The following GALNTL5 variants were observed in gnomAD, a reference collection of about 807,000 sequenced individuals.
The protein encoded by GALNTL5 is inactive polypeptide N-acetylgalactosaminyltransferase-like protein 5.
Under a neutral mutation model 51.0 loss-of-function variants are expected in GALNTL5, and 44 were observed. The ratio of observed to expected loss-of-function variants is 0.86; its 90% CI spans 0.68 to 1.11. GALNTL5 has a LOEUF of 1.11. GALNTL5 is among the 50% of genes least tolerant of loss of function. The pLI, the probability that GALNTL5 is intolerant of heterozygous loss-of-function variation, is 0.00. For synonymous variants in GALNTL5, 192 were observed against 182.8 expected (o/e 1.05, Z -0.41); for missense variants, 528 against 531.8 (o/e 0.99, Z 0.07).
intron 3 of GALNTL5, among the ~76,000 whole-genome samples, chr7:151,981,653 C>T (rs1275418300): frequency 3.6e-5 from 5 of 139,008 alleles, no homozygotes; most frequent in Non-Finnish European, 7.7e-5. Context: ...TCTCTCTCTC[C>T]CTCCCTCCCT....
intron 8 of GALNTL5, among the ~76,000 whole-genome samples, chr7:152,017,497 C>T (rs1301772353): frequency 2.0e-5 from 3 of 152,098 alleles, no homozygotes; most frequent in East Asian, 1.9e-4. Flanking sequence ...CCAAACACAA[C>T]GGAACTTATA....
intron 5 of GALNTL5, chr7:151,995,485 G>T (rs1308740011): frequency 6.7e-6 from 1 of 148,294 alleles, no homozygotes; most frequent in Non-Finnish European, 1.5e-5. Context: ...CTGGATGTGG[G>T]GTTCATGCAG....
intron 5 of GALNTL5, among the ~76,000 whole-genome samples, chr7:151,989,566 CTT>C (rs1368685210): frequency 2.6e-5 from 4 of 152,174 alleles, no homozygotes; most frequent in Non-Finnish European, 5.9e-5. Flanking sequence ...GAACATATAT[CTT>C]TGTGTGATTG....
chr7:152,002,971 T>A lies in GALNTL5; in HGVS notation c.908+8T>A. On this transcript the variant is annotated splice_region_variant and intron_variant, in intron 6 of 8. Coordinates refer to ENST00000392800, the MANE Select transcript of GALNTL5 (RefSeq NM_145292.4). ...ATCTACTAAACCAATCCGGTGAGATTTCTTCTGGTTTTGGAAAAATATAGC... is the reference window on the plus strand; with the variant it reads ...ATCTACTAAACCAATCCGGTGAGATATCTTCTGGTTTTGGAAAAATATAGC... 6.2e-7 allele frequency: 1 copy of A among 1,611,332 alleles called. No homozygotes were observed. Among genetic ancestry groups the A allele is most frequent in the Non-Finnish European group, 8.5e-7 (1 of 1,177,954 alleles).
intron 8 of GALNTL5, among the ~76,000 whole-genome samples, chr7:152,018,641 C>A (rs150456153): frequency 2.8e-4 from 42 of 152,172 alleles, no homozygotes; most frequent in Middle Eastern, 3.4e-3. Flanking sequence ...CTGATTGGGA[C>A]AAGAGAGGGC....
At chr7:151,968,656 G>C (rs945043844) in intron 2 of GALNTL5, among the ~76,000 whole-genome samples, 3 of 152,212 alleles carry the variant, frequency 2.0e-5, no homozygotes, top group Non-Finnish European at 2.9e-5. Context: ...TGCTTTCTGG[G>C]ATGTGAGTAG....
Position 151,967,467 on chromosome 7 carries a change from A to G in GALNTL5, c.221A>G (p.Asp74Gly), listed in dbSNP as rs1278401569. 1 of 1,613,922 alleles carries G rather than the reference A, an allele frequency of 6.2e-7. No homozygotes were observed. The highest frequency in any genetic ancestry group is 1.1e-5 in the South Asian group (1 of 91,050). The change falls in exon 2 of 9, where the codon GAT (aspartate) becomes GGT (glycine). Residue 74 changes from aspartate (D) to glycine (G), a missense_variant. By Grantham distance (94) the Asp-to-Gly change is moderately conservative (BLOSUM62 -1). Transcript: ENST00000392800. ...PKPHVIVKRT[D>G]EDKAKSMLGT... is the part of the protein sequence containing the mutation. ...CCTCATGTAATAGTCAAAAGGACTG[A>G]TGAAGATAAAGCAAAGTCTATGTTA...
At chr7:151,980,258 A>G (rs2151945209) in intron 3 of GALNTL5, among the ~76,000 whole-genome samples, 1 of 152,096 alleles carries the variant, frequency 6.6e-6, no homozygotes. Flanking sequence ...TAATTTTTGT[A>G]TTTTTAATAG....
intron 5 of GALNTL5, among the ~76,000 whole-genome samples, chr7:151,990,341 G>A (rs1314095666): frequency 1.3e-5 from 2 of 151,840 alleles, no homozygotes; most frequent in Admixed American, 6.6e-5. Context: ...ATTGTGCCTG[G>A]CTAGAAATTT....
At chr7:151,993,075 T>C (rs2081448077) in intron 5 of GALNTL5, among the ~76,000 whole-genome samples, 1 of 152,022 alleles carries the variant, frequency 6.6e-6, no homozygotes, top group Non-Finnish European at 1.5e-5. Context: ...CCATCTCCAC[T>C]AAAAATACAA....
At chr7:151,956,825 G>A (rs2151934077) in intron 1 of GALNTL5, among the ~76,000 whole-genome samples, 1 of 152,180 alleles carries the variant, frequency 6.6e-6, no homozygotes, top group Non-Finnish European at 1.5e-5. Flanking sequence ...GCATTGTAAT[G>A]GCTTTAGTTC....
At chr7:151,987,740 G>A (rs1189404846) in intron 5 of GALNTL5, among the ~76,000 whole-genome samples, 1 of 152,224 alleles carries the variant, frequency 6.6e-6, no homozygotes, top group East Asian at 1.9e-4. Flanking sequence ...GAAAAAGTGT[G>A]AGCTGATGCT....
At chr7:152,011,574 C>T (rs1264663865) in intron 7 of GALNTL5, among the ~76,000 whole-genome samples, 1 of 152,224 alleles carries the variant, frequency 6.6e-6, no homozygotes, top group African/African-American at 2.4e-5. Context: ...CTCTGCCTCT[C>T]CCCCATGCTG....
At chr7:151,975,489 T>A (rs2081194202) in intron 3 of GALNTL5, among the ~76,000 whole-genome samples, 1 of 152,068 alleles carries the variant, frequency 6.6e-6, no homozygotes, top group Non-Finnish European at 1.5e-5. Flanking sequence ...TTTGTCAAAT[T>A]TGCTTATCCT....
intron 6 of GALNTL5, among the ~76,000 whole-genome samples, chr7:152,004,322 T>G (rs915335217): frequency 2.0e-5 from 3 of 150,352 alleles, no homozygotes; most frequent in Non-Finnish European, 4.4e-5. Flanking sequence ...ACCTATTATA[T>G]GTAATATATA....
At chr7:152,018,559 T>C (rs2081848478) in intron 8 of GALNTL5, among the ~76,000 whole-genome samples, 1 of 152,162 alleles carries the variant, frequency 6.6e-6, no homozygotes, top group South Asian at 2.1e-4. Context: ...AAAAGTTAAC[T>C]TAAAGGGATA....
At chr7:152,013,242 G>A (rs954708796) in intron 7 of GALNTL5, among the ~76,000 whole-genome samples, 2 of 151,890 alleles carry the variant, frequency 1.3e-5, no homozygotes, top group African/African-American at 4.8e-5. Context: ...TATTGAGTGC[G>A]ATGCTCATTA....
chr7:152,001,566 A>AT (rs1187045852), intron 5 of GALNTL5, among the ~76,000 whole-genome samples: 4 of 152,212 alleles, frequency 2.6e-5, no homozygotes, highest in Non-Finnish European at 5.9e-5. Context: ...TCAATTGACC[A>AT]TAGACACATG....
intron 3 of GALNTL5, among the ~76,000 whole-genome samples, chr7:151,977,966 T>C (rs933185761): frequency 6.6e-6 from 1 of 152,176 alleles, no homozygotes; most frequent in Non-Finnish European, 1.5e-5. Context: ...TGCATTGTTT[T>C]GTCTTTCAAA....
Sources: allele counts gnomAD v4.1 joint callset (sites outside exome capture counted in the v4.1 genomes callset), GRCh38; gene constraint gnomAD v4.1.1; transcripts MANE v1.5; gene names NCBI Gene and HGNC (gene_info 2026-07-23, HGNC 2026-07-21).